Variants in RSU1 observed in about 807,000 individuals in gnomAD.
RSU1 encodes rsu-1.
A neutral mutation model predicts 31.1 loss-of-function variants in RSU1; 26 were observed. That is an observed-to-expected ratio of 0.84 (90% CI 0.61 to 1.16). The LOEUF (loss-of-function observed/expected upper bound fraction) is 1.16. RSU1 is among the 50% of genes most tolerant of loss of function. RSU1 has a pLI of 0.00. For synonymous variants in RSU1, 164 were observed against 136.3 expected (o/e 1.20, Z -1.41); for missense variants, 320 against 339.1 (o/e 0.94, Z 0.44).
intron 8 of RSU1, among the ~76,000 whole-genome samples, chr10:16,659,611 C>A (rs1022272741): frequency 6.6e-6 from 1 of 152,122 alleles, no homozygotes; most frequent in African/African-American, 2.4e-5. Context: ...TCTGTAACTA[C>A]ACTGGCACCC....
At chr10:16,751,163 G>A (rs1047651549) in intron 7 of RSU1, among the ~76,000 whole-genome samples, 11 of 151,978 alleles carry the variant, frequency 7.2e-5, no homozygotes, top group Admixed American at 1.3e-4. Context: ...CACCGTGCCC[G>A]GCCCGAGATC....
intron 7 of RSU1, among the ~76,000 whole-genome samples, chr10:16,717,112 TTAAG>T (rs1836158538): frequency 6.6e-6 from 1 of 152,196 alleles, no homozygotes; most frequent in South Asian, 2.1e-4. Context: ...TTATTAAAGG[TTAAG>T]TAAGGGATCA....
intron 8 of RSU1, among the ~76,000 whole-genome samples, chr10:16,612,295 A>G (rs1434856382): frequency 6.6e-6 from 1 of 152,224 alleles, no homozygotes; most frequent in African/African-American, 2.4e-5. Context: ...CAGAGAACAT[A>G]AGGAGGAGGC....
chr10:16,628,329 A>G (rs1289378835), intron 8 of RSU1, among the ~76,000 whole-genome samples: 4 of 152,218 alleles, frequency 2.6e-5, no homozygotes, highest in Non-Finnish European at 5.9e-5. Context: ...ATCTTCCTCC[A>G]TATCAGAACA....
At chr10:16,715,235 G>C (rs1445918130) in intron 7 of RSU1, among the ~76,000 whole-genome samples, 2 of 152,188 alleles carry the variant, frequency 1.3e-5, no homozygotes, top group East Asian at 3.8e-4. Context: ...AACTCTCATT[G>C]GCCATATTGC....
intron 2 of RSU1, among the ~76,000 whole-genome samples, chr10:16,801,025 A>G (rs1001343146): frequency 9.2e-5 from 14 of 151,956 alleles, no homozygotes; most frequent in Non-Finnish European, 1.6e-4. Flanking sequence ...AATCTAAGTA[A>G]TATCAATTAT....
chr10:16,656,114 TAATA>T (rs1472674562), intron 8 of RSU1, among the ~76,000 whole-genome samples: 1 of 152,132 alleles, frequency 6.6e-6, no homozygotes, highest in Non-Finnish European at 1.5e-5. Context: ...AGGTTGCACA[TAATA>T]ATTAGAGAAA....
At chr10:16,648,024 C>T (rs184390578) in intron 8 of RSU1, among the ~76,000 whole-genome samples, 198 of 151,988 alleles carry the variant, frequency 1.3e-3, no homozygotes, top group African/African-American at 4.5e-3. Context: ...TCAGGGCTCA[C>T]TGCAGCCTTG....
rs541397854 is a variant in RSU1 at position 16,653,343 on chromosome 10, G to C, written c.731+41680C>G. 2.0e-5 allele frequency among the ~76,000 whole-genome samples: 3 copies of C among 152,288 alleles called. No individual in the cohort carries two copies. The South Asian group carries it at 6.2e-4, about 32-fold the overall frequency. On this transcript the variant is annotated intron_variant, in intron 8 of 8. Transcript: ENST00000345264. ...TTAGGAAAGAGCTAGGATACAAATA[G>C]ATCTCTAAAACTCCTACACATAATT...
At chr10:16,756,959 G>A (rs573009281) in intron 4 of RSU1, among the ~76,000 whole-genome samples, 31 of 150,822 alleles carry the variant, frequency 2.1e-4, no homozygotes, top group Non-Finnish European at 3.4e-4. Flanking sequence ...GTGTGGTGTG[G>A]GGTAGGTATG....
At chr10:16,601,595 A>G (rs1245308864) in intron 8 of RSU1, among the ~76,000 whole-genome samples, 1 of 152,052 alleles carries the variant, frequency 6.6e-6, no homozygotes, top group Non-Finnish European at 1.5e-5. Context: ...TTCCCTTCCC[A>G]GTGTGTCCTA....
At chr10:16,732,645 A>G (rs900639309) in intron 7 of RSU1, among the ~76,000 whole-genome samples, 1 of 152,194 alleles carries the variant, frequency 6.6e-6, no homozygotes, top group Non-Finnish European at 1.5e-5. Flanking sequence ...GCTGACTAAG[A>G]TACTGCAGAA....
intron 8 of RSU1, among the ~76,000 whole-genome samples, chr10:16,613,142 C>G (rs1254626336): frequency 6.6e-6 from 1 of 152,210 alleles, no homozygotes; most frequent in Non-Finnish European, 1.5e-5. Flanking sequence ...CAGTTATTCC[C>G]CCTCTGGCTG....
At chr10:16,804,362 T>A (rs1045373041) in intron 2 of RSU1, among the ~76,000 whole-genome samples, 3 of 152,240 alleles carry the variant, frequency 2.0e-5, no homozygotes, top group Non-Finnish European at 4.4e-5. Context: ...CATTCTTTAT[T>A]GGTAGAAAAC....
At chr10:16,619,005 G>C (rs946472004) in intron 8 of RSU1, among the ~76,000 whole-genome samples, 1 of 152,052 alleles carries the variant, frequency 6.6e-6, no homozygotes, top group Non-Finnish European at 1.5e-5. Flanking sequence ...TAAATAAAAT[G>C]GGCATTCCAC....
chr10:16,770,851 G>A (rs1424401558), intron 3 of RSU1, among the ~76,000 whole-genome samples: 6 of 151,756 alleles, frequency 4.0e-5, no homozygotes, highest in Non-Finnish European at 8.8e-5. Context: ...AAGCAAAAGT[G>A]CCACCAATCC....
chr10:16,665,344 G>C (rs1373461051), intron 8 of RSU1, among the ~76,000 whole-genome samples: 1 of 152,072 alleles, frequency 6.6e-6, no homozygotes, highest in Non-Finnish European at 1.5e-5. Flanking sequence ...TGAGATAACT[G>C]GTGCTCAGAA....
chr10:16,717,826 A>G (rs962219422), intron 7 of RSU1, among the ~76,000 whole-genome samples: 7 of 152,124 alleles, frequency 4.6e-5, no homozygotes, highest in Non-Finnish European at 1.0e-4. Context: ...GCAACTTACC[A>G]GTCCTAACAC....
chr10:16,786,268 T>G (rs1187831510), intron 2 of RSU1, among the ~76,000 whole-genome samples: 1 of 152,230 alleles, frequency 6.6e-6, no homozygotes, highest in Non-Finnish European at 1.5e-5. Flanking sequence ...CTATTTTAGC[T>G]GACGGGTTAT....
Sources: gnomAD v4.1 joint callset for allele counts (sites outside exome capture counted in the v4.1 genomes callset) on GRCh38, gnomAD v4.1.1 for gene constraint, MANE v1.5 for transcripts, NCBI Gene and HGNC (gene_info 2026-07-23, HGNC 2026-07-21) for gene names.